Variants in PPM1H observed in about 807,000 individuals in gnomAD.
The protein encoded by PPM1H is protein phosphatase 1H.
PPM1H carries 27 observed loss-of-function variants against 54.9 expected under a neutral mutation model. The ratio of observed to expected loss-of-function variants is 0.49; its 90% CI spans 0.36 to 0.68. The LOEUF (loss-of-function observed/expected upper bound fraction) is 0.68, where lower values mean the gene tolerates loss of function less well. Among genes scored for constraint, PPM1H ranks in the 30% least tolerant of loss-of-function variants. The pLI is 0.00. For missense variants in PPM1H, 596 were observed against 667.8 expected (o/e 0.89, Z 1.19); for synonymous variants, 305 against 270.8 (o/e 1.13, Z -1.24).
intron 9 of PPM1H, among the ~76,000 whole-genome samples, chr12:62,660,446 A>G (rs2075876611): frequency 6.6e-6 from 1 of 152,220 alleles, no homozygotes; most frequent in Non-Finnish European, 1.5e-5. Flanking sequence ...AATATACTAC[A>G]AAGCTATATT....
At chr12:62,832,754 A>G (rs930337000) in intron 1 of PPM1H, among the ~76,000 whole-genome samples, 3 of 152,232 alleles carry the variant, frequency 2.0e-5, no homozygotes, top group Admixed American at 2.0e-4. Flanking sequence ...AAGAGAACAG[A>G]GAACCATATT....
rs1411291027 is a variant in PPM1H at position 62,647,672 on chromosome 12, AAC to A, written c.*815_*816del. On this transcript the variant is annotated 3_prime_UTR_variant, in exon 10 of 10. Coordinates refer to ENST00000228705, the MANE Select transcript of PPM1H (RefSeq NM_020700.2). ...CCACAGAAACACTCAGTTTCATGAA[AAC>A]ACACTGATTCGGTTAGAAAATGCAA... 6.6e-6 allele frequency: 1 copy of A among 152,298 alleles called. No individual in the cohort carries two copies. The highest frequency in any genetic ancestry group is 1.5e-5 in the Non-Finnish European group (1 of 68,154). The allele number at this position is 152,298 out of a possible 1,614,324, so 9.4% of individuals were successfully genotyped here. A position where few individuals can be genotyped will look rare whatever the true frequency, so the allele number is the denominator to read the frequency against.
At chr12:62,841,719 A>G (rs1329511676) in intron 1 of PPM1H, among the ~76,000 whole-genome samples, 1 of 152,238 alleles carries the variant, frequency 6.6e-6, no homozygotes, top group Non-Finnish European at 1.5e-5. Flanking sequence ...TAGTAACATT[A>G]GCTGTGGATA....
intron 1 of PPM1H, among the ~76,000 whole-genome samples, chr12:62,901,992 A>G (rs1871173104): frequency 6.6e-6 from 1 of 152,188 alleles, no homozygotes; most frequent in Non-Finnish European, 1.5e-5. Flanking sequence ...CATCTGAAAC[A>G]TGGTTTGCCT....
chr12:62,897,583 CT>C (rs894469044), intron 1 of PPM1H, among the ~76,000 whole-genome samples: 4 of 152,064 alleles, frequency 2.6e-5, no homozygotes, highest in Non-Finnish European at 5.9e-5. Flanking sequence ...ACACTTCAGC[CT>C]CTGATGAAGC....
intron 2 of PPM1H, among the ~76,000 whole-genome samples, chr12:62,827,398 A>C (rs893762440): frequency 6.6e-6 from 1 of 151,996 alleles, no homozygotes; most frequent in African/African-American, 2.4e-5. Flanking sequence ...AGCCGTTATC[A>C]TTTCTCACCC....
At position 62,904,863 on chromosome 12, in the gene PPM1H, A is replaced by T. The variant is rs560893388; in HGVS notation, c.245+29629T>A. On this transcript the variant is annotated intron_variant, in intron 1 of 9. Coordinates refer to ENST00000228705, the MANE Select transcript of PPM1H (RefSeq NM_020700.2). ...AAATATTAATTTCTTAGAAAAAATC[A>T]ATGCAAACCTATAAGCTTTAAAGGC... Among the ~76,000 whole-genome samples, 3 of 152,328 alleles carry T rather than the reference A, an allele frequency of 2.0e-5. No individual in the cohort carries two copies. The East Asian group carries it at 5.8e-4, about 29-fold the overall frequency.
chr12:62,746,092 A>G (rs755029042), intron 4 of PPM1H, among the ~76,000 whole-genome samples: 7 of 152,156 alleles, frequency 4.6e-5, no homozygotes, highest in Middle Eastern at 3.4e-3. Flanking sequence ...CTACTCAGAA[A>G]GCTTAGATGG....
At chr12:62,706,620 C>T (rs1245563202) in intron 6 of PPM1H, among the ~76,000 whole-genome samples, 2 of 152,156 alleles carry the variant, frequency 1.3e-5, no homozygotes, top group Non-Finnish European at 2.9e-5. Flanking sequence ...ATCCTCATTA[C>T]ACAAATAAGA....
At chr12:62,887,666 G>C (rs10784318) in intron 1 of PPM1H, among the ~76,000 whole-genome samples, 50,138 of 152,048 alleles carry the variant, frequency 0.33, 8,722 homozygotes, top group East Asian at 0.56. Context: ...TAATGAGCGA[G>C]GTGATTTCAA....
In PPM1H at chr12:62,874,543, A is replaced by T. The variant is rs186045405; in HGVS notation, c.246-42264T>A. 8.0e-3 allele frequency among the ~76,000 whole-genome samples: 1,212 copies of T among 152,260 alleles called. 9 individuals are homozygous for T. Among genetic ancestry groups the T allele is most frequent in the Non-Finnish European group, 0.012 (787 of 68,018 alleles). On this transcript the variant is annotated intron_variant, in intron 1 of 9. Transcript: ENST00000228705. ...GCTGTCTCCATATTACTTTGAGCCA[A>T]ATAGAGAAGGCACTCCCCAAAGACC... is the stretch of plus-strand genomic sequence containing the variant.
chr12:62,832,254 G>A lies in PPM1H; in HGVS notation c.271C>T (p.His91Tyr). 1 of 1,613,014 alleles carries A rather than the reference G, an allele frequency of 6.2e-7. No homozygotes were observed. Among genetic ancestry groups the A allele is most frequent in the East Asian group, 2.2e-5 (1 of 44,856 alleles). ...TCACAGCTGGCTTGGTCTTCATTGT[G>A]TGTGCTCTTCCCGGCATTGATAACC... ...AEVINAGKST[H>Y]NEDQASCEVL... Residue 91 changes from histidine to tyrosine, a missense_variant, in exon 2 of 10, where the codon CAC becomes TAC. Transcript: ENST00000228705.
intron 2 of PPM1H, among the ~76,000 whole-genome samples, chr12:62,825,469 A>T (rs1182078656): frequency 6.6e-6 from 1 of 152,228 alleles, no homozygotes; most frequent in African/African-American, 2.4e-5. Flanking sequence ...AATAGCAAAA[A>T]CTTGGAACCA....
At chr12:62,913,787 G>A (rs1399833747) in intron 1 of PPM1H, among the ~76,000 whole-genome samples, 1 of 151,988 alleles carries the variant, frequency 6.6e-6, no homozygotes, top group African/African-American at 2.4e-5. Flanking sequence ...TGCAACCTCC[G>A]CCTCCCGGGT....
At chr12:62,848,141 T>C (rs1164680515) in intron 1 of PPM1H, among the ~76,000 whole-genome samples, 1 of 152,224 alleles carries the variant, frequency 6.6e-6, no homozygotes, top group Non-Finnish European at 1.5e-5. Context: ...CTAAATTGCA[T>C]ATATTTTTGT....
rs138080444 is a variant in PPM1H at position 62,720,405 on chromosome 12, G to A, written c.955-116C>T. The A allele has an allele frequency of 3.6e-5, 25 of 702,364 alleles. No homozygotes were observed. In the African/African-American group the frequency reaches 3.6e-4, roughly 10 times the overall value. The allele number at this position is 702,364 out of a possible 1,614,324, so 43.5% of individuals were successfully genotyped here. A position where few individuals can be genotyped will look rare whatever the true frequency, so the allele number is the denominator to read the frequency against. ...GCCATATTTTAAAAACAAGAAAATTGCCTCATATTTTAAGTAAATAGATTT... is the reference window on the plus strand; with the variant it reads ...GCCATATTTTAAAAACAAGAAAATTACCTCATATTTTAAGTAAATAGATTT... On this transcript the variant is annotated intron_variant, in intron 5 of 9. Coordinates refer to ENST00000228705, the MANE Select transcript of PPM1H (RefSeq NM_020700.2).
At chr12:62,765,470 G>A (rs967749218) in intron 4 of PPM1H, among the ~76,000 whole-genome samples, 3 of 152,170 alleles carry the variant, frequency 2.0e-5, no homozygotes, top group Non-Finnish European at 4.4e-5. Flanking sequence ...GCCTGCAATG[G>A]TATCAACGCT....
chr12:62,919,479 C>G (rs1038320347), intron 1 of PPM1H, among the ~76,000 whole-genome samples: 2 of 152,110 alleles, frequency 1.3e-5, no homozygotes, highest in Non-Finnish European at 2.9e-5. Context: ...GCAAGAAGTA[C>G]TCAAGGTTAA....
chr12:62,723,768 G>A (rs934636931), intron 5 of PPM1H, among the ~76,000 whole-genome samples: 3 of 152,138 alleles, frequency 2.0e-5, no homozygotes, highest in African/African-American at 7.2e-5. Flanking sequence ...TACGTGGCAT[G>A]CATATATATT....
Sources: gnomAD v4.1 joint callset for allele counts (sites outside exome capture counted in the v4.1 genomes callset) on GRCh38, gnomAD v4.1.1 for gene constraint, MANE v1.5 for transcripts, NCBI Gene and HGNC (gene_info 2026-07-23, HGNC 2026-07-21) for gene names.